EPG5: variants seen among roughly 807,000 people sequenced by gnomAD.
The protein encoded by EPG5 is ectopic P-granules 5 autophagy tethering factor.
Under a neutral mutation model 302.7 loss-of-function variants are expected in EPG5, and 159 were observed. That is an observed-to-expected ratio of 0.53 (90% CI 0.46 to 0.60). EPG5 has a LOEUF of 0.60. EPG5 is among the 20% of genes least tolerant of loss of function. The pLI, the probability that EPG5 is intolerant of heterozygous loss-of-function variation, is 0.00. For synonymous variants in EPG5, 1,158 were observed against 1,136.8 expected, an observed-to-expected ratio of 1.02 and a Z score of -0.37; for missense variants, 2,896 against 3,092.4, an observed-to-expected ratio of 0.94 and a Z score of 1.51.
chr18:45,805,423 TAAAA>T, the EPG5 span, among the ~76,000 whole-genome samples: 2 of 132,474 alleles, frequency 1.5e-5, no homozygotes, highest in Admixed American at 7.3e-5. Context: ...AGAGCTTCTG[TAAAA>T]AAAAAAAAAA....
intron 30 of EPG5, among the ~76,000 whole-genome samples, chr18:45,883,461 C>CTTTTT (rs61461493): frequency 7.5e-6 from 1 of 132,532 alleles, no homozygotes; most frequent in Non-Finnish European, 1.6e-5. Context: ...TCAAGGTTGT[C>CTTTTT]TTTTTTTTTT....
chr18:45,959,278 T>A (rs1023705309), intron 1 of EPG5, among the ~76,000 whole-genome samples: 3 of 151,012 alleles, frequency 2.0e-5, no homozygotes, highest in Non-Finnish European at 3.0e-5. Flanking sequence ...GAGGCGGAGG[T>A]TGCAGTGAGC....
intron 9 of EPG5, among the ~76,000 whole-genome samples, chr18:45,941,587 C>T (rs544819058): frequency 6.6e-6 from 1 of 152,224 alleles, no homozygotes; most frequent in Admixed American, 6.5e-5. Context: ...AATCATAATA[C>T]ACTACAGCTG....
At chr18:45,967,146 A>G (rs368692246) in intron 1 of EPG5, 31 bp downstream of exon 1, 21 of 1,483,248 alleles carry the variant, frequency 1.4e-5, no homozygotes, top group Admixed American at 4.5e-5. Context: ...GCACACTGCC[A>G]GAGCCTCGGG....
At chr18:45,812,596 G>T in the EPG5 span, among the ~76,000 whole-genome samples, 4 of 152,108 alleles carry the variant, frequency 2.6e-5, no homozygotes, top group African/African-American at 9.7e-5. Context: ...ACAGAACAGG[G>T]CCCTCAGAAA....
chr18:45,824,659 A>C, the EPG5 span, among the ~76,000 whole-genome samples: 9 of 152,202 alleles, frequency 5.9e-5, no homozygotes, highest in Admixed American at 1.3e-4. Flanking sequence ...GCACGGCCAA[A>C]GGGAGGAGGA....
chr18:45,947,153 G>A (rs538190031), intron 6 of EPG5, among the ~76,000 whole-genome samples: 10 of 152,242 alleles, frequency 6.6e-5, no homozygotes, highest in East Asian at 1.9e-4. Flanking sequence ...GGTGGCTCAC[G>A]CCTGTAATCA....
chr18:45,826,872 C>T, the EPG5 span, among the ~76,000 whole-genome samples: 1 of 152,212 alleles, frequency 6.6e-6, no homozygotes, highest in Non-Finnish European at 1.5e-5. Context: ...ACTTTAGTAA[C>T]TCACATAAGG....
chr18:45,848,280 T>A lies in EPG5; in HGVS notation c.*4187A>T, dbSNP rs1413410336. 6.6e-6 allele frequency: 1 copy of A among 152,236 alleles called. No homozygotes were observed. The allele number at this position is 152,236 out of a possible 1,614,324, so 9.4% of individuals were successfully genotyped here. Reference sequence around the variant, plus strand: ...TGATCAGAAAAATGATCAGCTACTATCTCAAAATGAGCTGTACAGTTGGCC... The same window carrying A: ...TGATCAGAAAAATGATCAGCTACTAACTCAAAATGAGCTGTACAGTTGGCC... On this transcript the variant is annotated 3_prime_UTR_variant, in exon 44 of 44. Coordinates refer to ENST00000282041, the MANE Select transcript of EPG5 (RefSeq NM_020964.3).
chr18:45,883,850 A>G (rs1013831595), intron 30 of EPG5, among the ~76,000 whole-genome samples: 3 of 149,564 alleles, frequency 2.0e-5, no homozygotes, highest in African/African-American at 7.3e-5. Flanking sequence ...GCTTAAGTAA[A>G]CTCATTACCT....
At chr18:45,946,121 G>C (rs1369408268) in intron 7 of EPG5, among the ~76,000 whole-genome samples, 1 of 152,148 alleles carries the variant, frequency 6.6e-6, no homozygotes, top group African/African-American at 2.4e-5. Context: ...ATTAACAAGG[G>C]TGATCTCGAG....
chr18:45,819,511 G>A, the EPG5 span, among the ~76,000 whole-genome samples: 1 of 152,150 alleles, frequency 6.6e-6, no homozygotes, highest in African/African-American at 2.4e-5. Flanking sequence ...TTGGGGTGAG[G>A]ATTTAGGGAG....
At chr18:45,919,514 G>GTTTT (rs758397737) in intron 16 of EPG5, among the ~76,000 whole-genome samples, 1 of 139,866 alleles carries the variant, frequency 7.1e-6, no homozygotes, top group Non-Finnish European at 1.6e-5. Context: ...TACATGTGTG[G>GTTTT]TTTTTTTTTT....
At chr18:45,963,472 A>C (rs1229039579) in intron 1 of EPG5, among the ~76,000 whole-genome samples, 2 of 152,204 alleles carry the variant, frequency 1.3e-5, no homozygotes, top group African/African-American at 2.4e-5. Context: ...CTCCGTCTCT[A>C]CTAAAAATAC....
rs549739924 is a variant in EPG5 at position 45,960,045 on chromosome 18, G to A, written c.64-4707C>T. 3.9e-5 allele frequency among the ~76,000 whole-genome samples: 6 copies of A among 152,218 alleles called. No individual in the cohort carries two copies. In the South Asian group the frequency reaches 1.2e-3, roughly 32 times the overall value. On this transcript the variant is annotated intron_variant, in intron 1 of 43. Transcript: ENST00000282041. ...CACACGTGTAATCCCAGCACTTTGG[G>A]AGGCAGGAGGATCCCTTGAGCCCAA...
rs928367570 is a variant in EPG5 at position 45,939,680 on chromosome 18, C to A, written c.2019G>T (p.Gln673His). The A allele has an allele frequency of 2.5e-6, 4 of 1,614,090 alleles. No individual in the cohort carries two copies. In the Middle Eastern group the frequency reaches 5.0e-4, roughly 202 times the overall value. ...SHNQGSGLAQQPYSMEKLQVE... is the reference protein window; with the variant it reads ...SHNQGSGLAQHPYSMEKLQVE... Reference sequence around the variant, plus strand: ...CCTGTAGTTTCTCCATAGAGTAGGGCTGTTGGGCCAATCCTGAGCCTTGGT... The same window carrying A: ...CCTGTAGTTTCTCCATAGAGTAGGGATGTTGGGCCAATCCTGAGCCTTGGT... The change falls in exon 10 of 44, where the codon CAG becomes CAT. Residue 673 changes from glutamine to histidine, a missense_variant. Transcript: ENST00000282041.
In EPG5 at chr18:45,870,643, G is replaced by A. The variant is rs1439293362; in HGVS notation, c.6149C>T (p.Ala2050Val). Residue 2050 changes from alanine to valine, a missense_variant, in exon 36 of 44, where the codon GCT (alanine) becomes GTT (valine). Coordinates refer to ENST00000282041, the MANE Select transcript of EPG5 (RefSeq NM_020964.3). ...CAGTTTCCGGTACGTGCTATGGAAA[G>A]CGTACAGAATGAACTCTGGCATTTT... ...APKMPEFILYAFHSTYRKLPW... is the reference protein window; with the variant it reads ...APKMPEFILYVFHSTYRKLPW... 3 of 1,614,068 alleles carry A rather than the reference G, an allele frequency of 1.9e-6. No homozygotes were observed. In the South Asian group the frequency reaches 3.3e-5, roughly 18 times the overall value.
chr18:45,887,665 T>G lies in EPG5; in HGVS notation c.5109+86A>C, dbSNP rs2049247607. 3 of 1,194,980 alleles carry G rather than the reference T, an allele frequency of 2.5e-6. No individual in the cohort carries two copies. The South Asian group carries it at 8.1e-5, about 32-fold the overall frequency. 74.0% of individuals were successfully genotyped at this position (1,194,980 alleles called of 1,614,324 possible). Reference sequence around the variant, plus strand: ...AGACTCTGAACCTGTAATATAAGTCTGAAGTCAATGCTGACTATATCCAAA... The same window carrying G: ...AGACTCTGAACCTGTAATATAAGTCGGAAGTCAATGCTGACTATATCCAAA... On this transcript the variant is annotated intron_variant, in intron 29 of 43. Coordinates refer to ENST00000282041, the MANE Select transcript of EPG5 (RefSeq NM_020964.3).
At chr18:45,872,576 C>G (rs1343735708) in intron 35 of EPG5, among the ~76,000 whole-genome samples, 1 of 152,096 alleles carries the variant, frequency 6.6e-6, no homozygotes, top group African/African-American at 2.4e-5. Flanking sequence ...TGGTGGCAGG[C>G]ACCTGTAATC....
Sources: allele counts gnomAD v4.1 joint callset (sites outside exome capture counted in the v4.1 genomes callset), GRCh38; gene constraint gnomAD v4.1.1; transcripts MANE v1.5; gene names NCBI Gene and HGNC (gene_info 2026-07-23, HGNC 2026-07-21).